LPL: variants seen among roughly 807,000 people sequenced by gnomAD.
LPL encodes lipoprotein lipase.
Under a neutral mutation model 52.2 loss-of-function variants are expected in LPL, and 43 were observed. The ratio of observed to expected loss-of-function variants is 0.82; its 90% confidence interval spans 0.64 to 1.06. LPL has a LOEUF of 1.06. LPL is among the 50% of genes least tolerant of loss of function. LPL has a pLI of 0.00. For missense variants in LPL, 639 were observed against 585.3 expected (o/e 1.09, Z -0.95); for synonymous variants, 244 against 215.6 (o/e 1.13, Z -1.15).
chr8:19,946,341 C>T (rs893446594), intron 1 of LPL, among the ~76,000 whole-genome samples: 6 of 151,736 alleles, frequency 4.0e-5, no homozygotes, highest in African/African-American at 9.7e-5. Flanking sequence ...TGTGTGTGCA[C>T]GTGTGTGTGT....
At chr8:19,957,234 A>G (rs1444715130) in intron 6 of LPL, among the ~76,000 whole-genome samples, 1 of 152,182 alleles carries the variant, frequency 6.6e-6, no homozygotes, top group Non-Finnish European at 1.5e-5. Context: ...GGAAAATGAG[A>G]GAGGAGGTCT....
intron 6 of LPL, among the ~76,000 whole-genome samples, chr8:19,958,080 C>A (rs288): frequency 6.6e-5 from 10 of 151,592 alleles, no homozygotes; most frequent in Non-Finnish European, 1.3e-4. Flanking sequence ...AGTGCAGCGG[C>A]GCAATCTTAG....
chr8:19,954,016 G>C, intron 4 of LPL, 104 bp from the exon 5 acceptor site: 1 of 819,046 alleles, frequency 1.2e-6, no homozygotes, highest in Non-Finnish European at 2.1e-6. Flanking sequence ...GAGCTAATAA[G>C]AATCTAAATA....
At chr8:19,960,589 A>C (rs574435561) in intron 7 of LPL, among the ~76,000 whole-genome samples, 1 of 152,242 alleles carries the variant, frequency 6.6e-6, no homozygotes, top group African/African-American at 2.4e-5. Flanking sequence ...AATAATGTTC[A>C]AGTATCAACA....
rs544134518 is a variant in LPL, at chr8:19,966,642, T to A, written c.*1332T>A. On this transcript the variant is annotated 3_prime_UTR_variant, in exon 10 of 10. Coordinates refer to ENST00000650287, the MANE Select transcript of LPL (RefSeq NM_000237.3). Reference sequence around the variant, plus strand: ...TGAACACATACTAGAAAGCTCTGCATGTGTGTTGTCCTTCAGCATAATTCG... The same window carrying A: ...TGAACACATACTAGAAAGCTCTGCAAGTGTGTTGTCCTTCAGCATAATTCG... 8 of 152,330 alleles carry A rather than the reference T, an allele frequency of 5.3e-5. No individual in the cohort carries two copies. Among genetic ancestry groups the A allele is most frequent in the African/African-American group, 1.9e-4 (8 of 41,590 alleles). The allele number at this position is 152,330 out of a possible 1,614,324, so 9.4% of individuals were successfully genotyped here.
chr8:19,959,152 G>T, intron 6 of LPL, 108 bp from the exon 7 acceptor site: 1 of 1,381,426 alleles, frequency 7.2e-7, no homozygotes, highest in Admixed American at 1.8e-5. Context: ...GTGCACTTCC[G>T]GTTTGAGTGC....
intron 1 of LPL, among the ~76,000 whole-genome samples, chr8:19,943,754 A>G (rs2069860326): frequency 1.3e-5 from 2 of 152,218 alleles, no homozygotes; most frequent in Admixed American, 6.5e-5. Context: ...ATTTTAATAC[A>G]CATCTCTGAA....
chr8:19,953,172 G>A, intron 3 of LPL, 138 bp from the exon 4 acceptor site: 3 of 654,604 alleles, frequency 4.6e-6, no homozygotes, highest in South Asian at 3.2e-5. Context: ...TCTCTTACCT[G>A]TAACACAAAA....
At position 19,966,933 on chromosome 8, in the gene LPL, C is replaced by T. The variant is rs1299680812; in HGVS notation, c.*1623C>T. 7.9e-5 allele frequency: 12 copies of T among 152,594 alleles called. No individual in the cohort carries two copies. Among genetic ancestry groups the T allele is most frequent in the African/African-American group, 2.9e-4 (12 of 41,428 alleles). 9.5% of individuals were successfully genotyped at this position (152,594 alleles called of 1,614,324 possible). On this transcript the variant is annotated 3_prime_UTR_variant, in exon 10 of 10. Coordinates refer to ENST00000650287, the MANE Select transcript of LPL (RefSeq NM_000237.3). ...CCAGGGTGCATTAACTTAAAAGATT[C>T]ACTAAAGCAGCACATAGCACTGGGA...
chr8:19,944,042 C>A lies in LPL; in HGVS notation c.89-4138C>A, dbSNP rs2069862632. 6.6e-6 allele frequency among the ~76,000 whole-genome samples: 1 copy of A among 151,948 alleles called. No homozygotes were observed. ...TCTCTACTAAAAATACAAAAATTAG[C>A]CAGGCGTGGTGGCAGGCACCTGTAA... On this transcript the variant is annotated intron_variant, in intron 1 of 9. Coordinates refer to ENST00000650287, the MANE Select transcript of LPL (RefSeq NM_000237.3). This position sits in a 1 kb window ranked among gnomAD's most constrained non-coding sequence, Gnocchi z 4.2.
At position 19,939,412 on chromosome 8, in the gene LPL, G is replaced by A. The variant is rs1183539960; in HGVS notation, c.-29G>A. The A allele has an allele frequency of 1.3e-6, 2 of 1,586,580 alleles. No individual in the cohort carries two copies. The highest frequency in any genetic ancestry group is 1.8e-5 in the Admixed American group (1 of 55,272). ...CGGCTCATCAGTCGGTCCGCGCCTTGCAGCTCCTCCAGAGGGACGCGCCCC... is the reference window on the plus strand; with the variant it reads ...CGGCTCATCAGTCGGTCCGCGCCTTACAGCTCCTCCAGAGGGACGCGCCCC... On this transcript the variant is annotated 5_prime_UTR_variant, in exon 1 of 10. Coordinates refer to ENST00000650287, the MANE Select transcript of LPL (RefSeq NM_000237.3). This position sits in a 1 kb window ranked among gnomAD's most constrained non-coding sequence, Gnocchi z 4.0.
rs1206303071 is a variant in LPL, at chr8:19,966,998, G to C, written c.*1688G>C. Reference sequence around the variant, plus strand: ...AAACTTTGTTATATATATCAAGGATGTTCTGGCTTTACATTTTATTTATTA... The same window carrying C: ...AAACTTTGTTATATATATCAAGGATCTTCTGGCTTTACATTTTATTTATTA... On this transcript the variant is annotated 3_prime_UTR_variant, in exon 10 of 10. Transcript: ENST00000650287. 6.6e-6 allele frequency: 1 copy of C among 152,614 alleles called. No individual in the cohort carries two copies. The highest frequency in any genetic ancestry group is 1.5e-5 in the Non-Finnish European group (1 of 68,046). The allele number at this position is 152,614 out of a possible 1,614,324, so 9.5% of individuals were successfully genotyped here.
chr8:19,954,341 A>T lies in LPL; in HGVS notation c.763A>T (p.Arg255Ter). The change falls in exon 5 of 10, where the codon AGA becomes TGA. Residue 255 changes from arginine (R) to a stop codon, truncating the protein, a stop_gained. Transcript: ENST00000650287. LOFTEE classifies it high-confidence loss of function. Reference sequence around the variant, plus strand: ...AGAAGCTATCCGCGTGATTGCAGAGAGAGGACTTGGAGGTAAATATTATTT... The same window carrying T: ...AGAAGCTATCCGCGTGATTGCAGAGTGAGGACTTGGAGGTAAATATTATTT... ...IGEAIRVIAE[R>*]GLGDVDQLVK... 1 of 1,613,914 alleles carries T rather than the reference A, an allele frequency of 6.2e-7. No homozygotes were observed. Among genetic ancestry groups the T allele is most frequent in the Non-Finnish European group, 8.5e-7 (1 of 1,179,768 alleles).
intron 8 of LPL, 130 bp downstream of exon 8, chr8:19,961,213 T>C (rs1221456301): frequency 1.6e-6 from 1 of 635,174 alleles, no homozygotes; most frequent in Non-Finnish European, 2.5e-6. Context: ...CTGTATGATG[T>C]AGATTTTCTT....
rs71205952 is a variant in LPL at position 19,959,777 on chromosome 8, C to CTTTTTTTTTTTTTTTTTTTTTTTTT, written c.1139+402_1139+426dup. Reference sequence around the variant, plus strand: ...AGAAGTCCATGACAAAGTGTTAGCTCTTTTTTTTTTTTTTTTTTTTTTTTT... The same window carrying CTTTTTTTTTTTTTTTTTTTTTTTTT: ...AGAAGTCCATGACAAAGTGTTAGCTCTTTTTTTTTTTTTTTTTTTTTTTTTTTTTTTTTTTTTTTTTTTTTTTTTT... On this transcript the variant is annotated intron_variant, in intron 7 of 9. Transcript: ENST00000650287. Among the ~76,000 whole-genome samples, 5 of 65,132 alleles carry CTTTTTTTTTTTTTTTTTTTTTTTTT rather than the reference C, an allele frequency of 7.7e-5. 1 individual carries two copies. Among genetic ancestry groups the CTTTTTTTTTTTTTTTTTTTTTTTTT allele is most frequent in the African/African-American group, 2.6e-4 (4 of 15,152 alleles). 42.7% of individuals were successfully genotyped at this position (65,132 alleles called of 152,430 possible). A position where few individuals can be genotyped will look rare whatever the true frequency, so the allele number is the denominator to read the frequency against.
intron 6 of LPL, among the ~76,000 whole-genome samples, chr8:19,956,931 C>T (rs894676772): frequency 4.6e-5 from 7 of 152,138 alleles, no homozygotes; most frequent in Admixed American, 4.6e-4. Flanking sequence ...TCAAATGATT[C>T]CCCTGCCTCA....
intron 8 of LPL, 87 bp from the exon 9 acceptor site, chr8:19,962,028 T>C (rs2070043352): frequency 6.7e-6 from 6 of 897,488 alleles, no homozygotes; most frequent in Non-Finnish European, 1.1e-5. Flanking sequence ...TCATGTATTA[T>C]TTAAACAGTC....
chr8:19,953,276 C>T, intron 3 of LPL, 34 bp from the exon 4 acceptor site: 1 of 1,317,164 alleles, frequency 7.6e-7, no homozygotes, highest in Non-Finnish European at 1.1e-6. Context: ...TTTGGCAGAA[C>T]TGTAAGCACC....
intron 1 of LPL, among the ~76,000 whole-genome samples, chr8:19,946,176 T>C (rs1031967541): frequency 6.6e-6 from 1 of 152,192 alleles, no homozygotes; most frequent in African/African-American, 2.4e-5. Flanking sequence ...CGTGTACTTT[T>C]ACTATATGCA....
Sources: gnomAD v4.1 joint callset for allele counts (sites outside exome capture counted in the v4.1 genomes callset) on GRCh38, gnomAD v4.1.1 for gene constraint, Gnocchi (gnomAD v3.1) non-coding constraint, MANE v1.5 for transcripts, NCBI Gene and HGNC (gene_info 2026-07-23, HGNC 2026-07-21) for gene names.